SLC24A4: variants seen among roughly 807,000 people sequenced by gnomAD.
SLC24A4 encodes solute carrier family 24 member 4.
Under a neutral mutation model 79.0 loss-of-function variants are expected in SLC24A4, and 53 were observed. The observed-to-expected ratio is 0.67, with a 90% CI of 0.54 to 0.84. The LOEUF (loss-of-function observed/expected upper bound fraction) is 0.84. Among genes scored for constraint, SLC24A4 ranks in the 40% least tolerant of loss-of-function variants. The pLI is 0.00. For synonymous variants in SLC24A4, 323 were observed against 323.8 expected (o/e 1.00, Z 0.03); for missense variants, 731 against 822.0 (o/e 0.89, Z 1.35).
chr14:92,389,940 C>T (rs761023421), intron 2 of SLC24A4, among the ~76,000 whole-genome samples: 3 of 152,194 alleles, frequency 2.0e-5, no homozygotes, highest in East Asian at 1.9e-4. Flanking sequence ...TGTTCTCTTC[C>T]GTCTTGTTTG....
chr14:92,365,485 C>T (rs1476013713), intron 2 of SLC24A4, among the ~76,000 whole-genome samples: 1 of 152,224 alleles, frequency 6.6e-6, no homozygotes, highest in Non-Finnish European at 1.5e-5. Context: ...ACCTCAAGGT[C>T]TCTGCTGCCT....
In SLC24A4 at chr14:92,484,238, C is replaced by G. The variant is rs1321245603; in HGVS notation, c.1422+1392C>G. ...GTGTATGGGAGCCATTTTGCCTATGCTTTCCTGAAATCCCACCCTTTGGCC... is the reference window on the plus strand; with the variant it reads ...GTGTATGGGAGCCATTTTGCCTATGGTTTCCTGAAATCCCACCCTTTGGCC... On this transcript the variant is annotated intron_variant, in intron 13 of 16. Coordinates refer to ENST00000532405, the MANE Select transcript of SLC24A4 (RefSeq NM_153646.4). 6.1e-6 allele frequency: 6 copies of G among 985,248 alleles called. No individual in the cohort carries two copies. The East Asian group carries it at 3.4e-4, about 56-fold the overall frequency. 61.0% of individuals were successfully genotyped at this position (985,248 alleles called of 1,614,324 possible).
intron 2 of SLC24A4, among the ~76,000 whole-genome samples, chr14:92,328,298 A>T (rs538237952): frequency 6.6e-6 from 1 of 152,318 alleles, no homozygotes; most frequent in East Asian, 1.9e-4. Flanking sequence ...GGGGAGTATA[A>T]GATGCAAGCC....
chr14:92,446,972 T>C lies in SLC24A4; in HGVS notation c.684-399T>C, dbSNP rs568150095. Among the ~76,000 whole-genome samples the C allele has an allele frequency of 2.0e-5, 3 of 152,328 alleles. No homozygotes were observed. The East Asian group carries it at 5.8e-4, about 29-fold the overall frequency. Reference sequence around the variant, plus strand: ...GCCCCTTTCCTCCCACACCCACAGCTTCTCTGGCTCCTGCCCAGAATCTTG... The same window carrying C: ...GCCCCTTTCCTCCCACACCCACAGCCTCTCTGGCTCCTGCCCAGAATCTTG... On this transcript the variant is annotated intron_variant, in intron 8 of 16. Coordinates refer to ENST00000532405, the MANE Select transcript of SLC24A4 (RefSeq NM_153646.4).
At chr14:92,344,553 G>A (rs1217472142) in intron 2 of SLC24A4, among the ~76,000 whole-genome samples, 1 of 152,154 alleles carries the variant, frequency 6.6e-6, no homozygotes, top group East Asian at 1.9e-4. Context: ...GAGTTTCTGA[G>A]CCAAGGATCG....
intron 2 of SLC24A4, among the ~76,000 whole-genome samples, chr14:92,379,415 G>C (rs1015048490): frequency 5.9e-5 from 9 of 152,174 alleles, no homozygotes; most frequent in Non-Finnish European, 1.3e-4. Flanking sequence ...CCCAATCCCT[G>C]CTCCTCCCTG....
At chr14:92,364,668 A>G (rs113946632) in intron 2 of SLC24A4, among the ~76,000 whole-genome samples, 1 of 151,814 alleles carries the variant, frequency 6.6e-6, no homozygotes, top group African/African-American at 2.4e-5. Flanking sequence ...TGCCTGCTGC[A>G]CTCATCCCTC....
chr14:92,440,082 T>C lies in SLC24A4; in HGVS notation c.393+673T>C, dbSNP rs112936386. On this transcript the variant is annotated intron_variant, in intron 4 of 16. Coordinates refer to ENST00000532405, the MANE Select transcript of SLC24A4 (RefSeq NM_153646.4). ...CGTGTTTGAGACCATGTCTTCATGG[T>C]GACATTTGCAGCTGGGAGGGTGGGT... Among the ~76,000 whole-genome samples the C allele has an allele frequency of 2.7e-3, 412 of 152,252 alleles. 3 individuals carry two copies. The highest frequency in any genetic ancestry group is 9.4e-3 in the African/African-American group (389 of 41,558).
rs1896076578 is a variant in SLC24A4, at chr14:92,499,687, C to CT, written c.*6059_*6060insT. On this transcript the variant is annotated 3_prime_UTR_variant, in exon 17 of 17. Transcript: ENST00000532405. ...CCACCACATACAGCTAATTTGTTTTCATTTTTTTTTTTTTTAGAGACAGGA... is the reference window on the plus strand; with the variant it reads ...CCACCACATACAGCTAATTTGTTTTCTATTTTTTTTTTTTTTAGAGACAGGA... The CT allele has an allele frequency of 8.8e-5, 7 of 79,628 alleles. No individual in the cohort carries two copies. Among genetic ancestry groups the CT allele is most frequent in the African/African-American group, 1.9e-4 (5 of 25,706 alleles). The allele number at this position is 79,628 out of a possible 1,614,324, so 4.9% of individuals were successfully genotyped here. A position where few individuals can be genotyped will look rare whatever the true frequency, so the allele number is the denominator to read the frequency against.
intron 2 of SLC24A4, among the ~76,000 whole-genome samples, chr14:92,351,193 G>C (rs1480424606): frequency 6.7e-6 from 1 of 148,528 alleles, no homozygotes; most frequent in East Asian, 2.0e-4. Flanking sequence ...CTTGGGCTTA[G>C]CTGAAATCTC....
intron 2 of SLC24A4, among the ~76,000 whole-genome samples, chr14:92,345,751 A>G (rs939868527): frequency 2.6e-5 from 4 of 151,824 alleles, no homozygotes; most frequent in African/African-American, 9.7e-5. Flanking sequence ...GCTGAGAATG[A>G]GGGCTGGTGT....
chr14:92,454,997 T>C (rs1192459328), intron 11 of SLC24A4, among the ~76,000 whole-genome samples: 2 of 151,020 alleles, frequency 1.3e-5, no homozygotes, highest in Admixed American at 6.6e-5. Context: ...TTGGGATTTA[T>C]AGTATCTTTT....
rs983364418 is a variant in SLC24A4 at position 92,373,510 on chromosome 14, C to G, written c.241+47532C>G. Among the ~76,000 whole-genome samples, 18 of 152,268 alleles carry G rather than the reference C, an allele frequency of 1.2e-4. No homozygotes were observed. The Middle Eastern group carries it at 0.017, about 144-fold the overall frequency. The stretch of plus-strand genomic sequence containing the variant: ...TACGGCCCCTACTGTGCCTCATTCA[C>G]CCAGAAGAATTTTATGAAATGTCCT... On this transcript the variant is annotated intron_variant, in intron 2 of 16. Transcript: ENST00000532405.
rs1281362158 is a variant in SLC24A4 at position 92,400,323 on chromosome 14, C to T, written c.242-33589C>T. ...GCATGGTGGCATGCGCCTGTAGTCC[C>T]AGCTACTCGGGAGGCTGAGGCAGGA... On this transcript the variant is annotated intron_variant, in intron 2 of 16. Transcript: ENST00000532405. Among the ~76,000 whole-genome samples the T allele has an allele frequency of 2.6e-5, 4 of 151,758 alleles. No individual in the cohort carries two copies. In the South Asian group the frequency reaches 6.3e-4, roughly 24 times the overall value.
Position 92,498,461 on chromosome 14 carries a change from C to A in SLC24A4, c.*4833C>A, listed in dbSNP as rs1367564450. ...TTCGCCTTGCTGCAAAGAGCTGTTCCCCAAAGGGCATATCCACAGGGTACA... is the reference window on the plus strand; with the variant it reads ...TTCGCCTTGCTGCAAAGAGCTGTTCACCAAAGGGCATATCCACAGGGTACA... On this transcript the variant is annotated 3_prime_UTR_variant, in exon 17 of 17. Transcript: ENST00000532405. The A allele has an allele frequency of 6.6e-6, 1 of 152,312 alleles. No individual in the cohort carries two copies. Among genetic ancestry groups the A allele is most frequent in the East Asian group, 1.9e-4 (1 of 5,178 alleles). The allele number at this position is 152,312 out of a possible 1,614,324, so 9.4% of individuals were successfully genotyped here. A position where few individuals can be genotyped will look rare whatever the true frequency, so the allele number is the denominator to read the frequency against.
rs373277264 is a variant in SLC24A4, at chr14:92,456,481, C to T, written c.1128C>T (p.Asn376=). ...ACGGGAGGCACGAGAACATTGAGAA[C>T]GGGAATGTTCCTGTGGAAAACCCCG... ...LQNGRHENIE[N]GNVPVENPED... Residue 376 remains asparagine, a synonymous_variant, in exon 12 of 17, where the codon AAC becomes AAT. Transcript: ENST00000532405. 42 of 1,614,058 alleles carry T rather than the reference C, an allele frequency of 2.6e-5. No individual in the cohort carries two copies. Among genetic ancestry groups the T allele is most frequent in the South Asian group, 9.9e-5 (9 of 91,090 alleles).
rs1057487703 is a variant in SLC24A4 at position 92,490,751 on chromosome 14, A to G, written c.1538-914A>G. Among the ~76,000 whole-genome samples the G allele has an allele frequency of 6.6e-6, 1 of 152,240 alleles. No homozygotes were observed. Among genetic ancestry groups the G allele is most frequent in the African/African-American group, 2.4e-5 (1 of 41,462 alleles). ...AGGCGCAGTGGCCGGGAGTCCTCAT[A>G]GAACATCAGCTGACAAGCCTGGCAG... On this transcript the variant is annotated intron_variant, in intron 14 of 16. Transcript: ENST00000532405. This position sits in a 1 kb window ranked among gnomAD's most constrained non-coding sequence, Gnocchi z 4.3.
chr14:92,415,750 G>A (rs865992116), intron 2 of SLC24A4, among the ~76,000 whole-genome samples: 3 of 152,052 alleles, frequency 2.0e-5, no homozygotes, highest in Non-Finnish European at 2.9e-5. Flanking sequence ...GAACCACTGC[G>A]CCCGGCCTCT....
rs1375775210 is a variant in SLC24A4, at chr14:92,490,908, T to C, written c.1538-757T>C. On this transcript the variant is annotated intron_variant, in intron 14 of 16. Coordinates refer to ENST00000532405, the MANE Select transcript of SLC24A4 (RefSeq NM_153646.4). This position sits in a 1 kb window ranked among gnomAD's most constrained non-coding sequence, Gnocchi z 4.3. The stretch of plus-strand genomic sequence containing the variant: ...TGAAGGAGAGTCTGTCCCAGGCCCC[T>C]CTTGCCTCTCTGCCCTTGGCTGTCT... Among the ~76,000 whole-genome samples the C allele has an allele frequency of 6.6e-6, 1 of 152,252 alleles. No homozygotes were observed. The highest frequency in any genetic ancestry group is 1.5e-5 in the Non-Finnish European group (1 of 68,030).
Sources: gnomAD v4.1 joint callset for allele counts (sites outside exome capture counted in the v4.1 genomes callset) on GRCh38, gnomAD v4.1.1 for gene constraint, Gnocchi (gnomAD v3.1) non-coding constraint, MANE v1.5 for transcripts, NCBI Gene and HGNC (gene_info 2026-07-23, HGNC 2026-07-21) for gene names.